PLEKHA1: variants seen among roughly 807,000 people sequenced by gnomAD.
The protein encoded by PLEKHA1 is pleckstrin homology domain-containing family A member 1.
A neutral mutation model predicts 52.0 loss-of-function variants in PLEKHA1; 34 were observed. The ratio of observed to expected loss-of-function variants is 0.65; its 90% CI spans 0.50 to 0.87. The LOEUF is 0.87. Among genes scored for constraint, PLEKHA1 ranks in the 40% least tolerant of loss-of-function variants. The pLI, the probability that PLEKHA1 is intolerant of heterozygous loss-of-function variation, is 0.00. For synonymous variants in PLEKHA1, 163 were observed against 170.7 expected, an observed-to-expected ratio of 0.95 and a Z score of 0.35; for missense variants, 497 against 504.2, an observed-to-expected ratio of 0.99 and a Z score of 0.14.
intron 5 of PLEKHA1, among the ~76,000 whole-genome samples, chr10:122,407,590 TGA>T (rs1303682191): frequency 6.6e-6 from 1 of 152,150 alleles, no homozygotes; most frequent in Non-Finnish European, 1.5e-5. Context: ...CAACCTTTAC[TGA>T]GAGAGTTTGC....
At chr10:122,427,812 A>G (rs1256023755) in intron 11 of PLEKHA1, among the ~76,000 whole-genome samples, 2 of 152,224 alleles carry the variant, frequency 1.3e-5, no homozygotes, top group East Asian at 1.9e-4. Flanking sequence ...AAGTAGTCTC[A>G]TATGTAGCAT....
chr10:122,397,530 A>G (rs2421021), intron 2 of PLEKHA1, among the ~76,000 whole-genome samples: 70,990 of 151,918 alleles, frequency 0.47, 17,387 homozygotes, highest in East Asian at 0.62. Flanking sequence ...TTAATAGAAC[A>G]AAGTAATATG....
intron 1 of PLEKHA1, among the ~76,000 whole-genome samples, chr10:122,377,539 A>G (rs1041772169): frequency 6.6e-6 from 1 of 152,182 alleles, no homozygotes; most frequent in African/African-American, 2.4e-5. Context: ...TGGTGTCTGA[A>G]AGGAATGCTT....
intron 6 of PLEKHA1, among the ~76,000 whole-genome samples, chr10:122,414,597 A>G (rs527708626): frequency 1.3e-5 from 2 of 152,268 alleles, no homozygotes; most frequent in African/African-American, 2.4e-5. Context: ...TCAGAACCCA[A>G]CAGTAAAAAG....
chr10:122,379,302 A>C (rs866309032), intron 1 of PLEKHA1, among the ~76,000 whole-genome samples: 2 of 152,178 alleles, frequency 1.3e-5, no homozygotes, highest in African/African-American at 4.8e-5. Flanking sequence ...TGTGGTTTCT[A>C]TTCAACCCAC....
chr10:122,437,666 G>A, the PLEKHA1 span: 4 of 152,322 alleles, frequency 2.6e-5, no homozygotes, highest in South Asian at 2.1e-4. Context: ...ATGAGAAGGT[G>A]TGACCACCAC....
chr10:122,398,138 C>A (rs2096876154), intron 3 of PLEKHA1, among the ~76,000 whole-genome samples, 164 bp downstream of exon 3: 1 of 151,938 alleles, frequency 6.6e-6, no homozygotes, highest in Non-Finnish European at 1.5e-5. Context: ...TTCTTTAAAT[C>A]GATACAGTTA....
chr10:122,424,826 T>G (rs2097314149), intron 9 of PLEKHA1, 70 bp from the exon 10 acceptor site: 1 of 1,317,780 alleles, frequency 7.6e-7, no homozygotes. Context: ...TACTGGGTAC[T>G]GGGTAAACAA....
At chr10:122,378,739 C>CAAG (rs1017004928) in intron 1 of PLEKHA1, among the ~76,000 whole-genome samples, 6 of 101,860 alleles carry the variant, frequency 5.9e-5, no homozygotes, top group African/African-American at 2.4e-4. Flanking sequence ...ACCCTGTCTC[C>CAAG]AAAAAAAAAA....
chr10:122,402,979 A>G (rs117345836), intron 4 of PLEKHA1, among the ~76,000 whole-genome samples: 2,564 of 152,346 alleles, frequency 0.017, 29 homozygotes, highest in Middle Eastern at 0.034. Context: ...CATTTCTACT[A>G]GAAGAGCTTG....
chr10:122,436,917 C>T (rs980144784), downstream of PLEKHA1: 3 of 148,568 alleles, frequency 2.0e-5, no homozygotes, highest in African/African-American at 7.5e-5. Context: ...ATGTATACCT[C>T]TAATGCACGT....
intron 2 of PLEKHA1, among the ~76,000 whole-genome samples, chr10:122,396,749 C>T (rs1382214530): frequency 6.6e-6 from 1 of 152,042 alleles, no homozygotes; most frequent in Admixed American, 6.5e-5. Context: ...TCAACTAAAA[C>T]TAATGTTTTC....
intron 1 of PLEKHA1, among the ~76,000 whole-genome samples, chr10:122,385,849 A>G (rs141668866): frequency 2.0e-4 from 31 of 152,270 alleles, no homozygotes; most frequent in Non-Finnish European, 3.7e-4. Context: ...ATTTTATTGT[A>G]TTGGATGCAC....
rs959741299 is a variant in PLEKHA1, at chr10:122,380,919, G to A, written c.-21+6113G>A. Among the ~76,000 whole-genome samples, 5 of 152,194 alleles carry A rather than the reference G, an allele frequency of 3.3e-5. No homozygotes were observed. In the South Asian group the frequency reaches 6.2e-4, roughly 19 times the overall value. On this transcript the variant is annotated intron_variant, in intron 1 of 11. Coordinates refer to ENST00000368990, the MANE Select transcript of PLEKHA1 (RefSeq NM_001001974.4). ...GTGAGGTATTACATAGTATTGAGGA[G>A]TGTGACTCTAGAGCCAGACTCCTCC...
At chr10:122,397,434 G>A (rs2096866019) in intron 2 of PLEKHA1, among the ~76,000 whole-genome samples, 1 of 152,040 alleles carries the variant, frequency 6.6e-6, no homozygotes, top group South Asian at 2.1e-4. Flanking sequence ...TATCAATGTA[G>A]ATTAATATGG....
chr10:122,425,838 C>T (rs2097331116), intron 10 of PLEKHA1: 1 of 150,962 alleles, frequency 6.6e-6, no homozygotes, highest in Non-Finnish European at 1.5e-5. Context: ...GCTTATAAAA[C>T]ATTCAGTCCC....
chr10:122,395,554 A>G (rs189831356), intron 2 of PLEKHA1, among the ~76,000 whole-genome samples: 5 of 152,248 alleles, frequency 3.3e-5, no homozygotes, highest in Admixed American at 2.0e-4. Context: ...AGATTGAACC[A>G]TATGAAATTG....
At chr10:122,391,585 G>A (rs2096776236) in intron 1 of PLEKHA1, among the ~76,000 whole-genome samples, 2 of 152,092 alleles carry the variant, frequency 1.3e-5, no homozygotes, top group South Asian at 4.1e-4. Flanking sequence ...TGTATAGGTT[G>A]AAATCAGTTG....
At chr10:122,398,075 A>T (rs571047469) in intron 3 of PLEKHA1, 101 bp downstream of exon 3, 3 of 896,760 alleles carry the variant, frequency 3.3e-6, no homozygotes, top group Middle Eastern at 4.6e-4. Flanking sequence ...TTTAACAGTG[A>T]TGTTCAGATT....
Sources: gnomAD v4.1 joint callset for allele counts (sites outside exome capture counted in the v4.1 genomes callset) on GRCh38, gnomAD v4.1.1 for gene constraint, MANE v1.5 for transcripts, NCBI Gene and HGNC (gene_info 2026-07-23, HGNC 2026-07-21) for gene names.